The following GPC6 variants were observed in gnomAD, a reference collection of about 807,000 sequenced individuals.
GPC6 encodes glypican 6, also known as glypican-6.
In GPC6, 14 loss-of-function variants were observed where a neutral mutation model predicts 55.2. The observed-to-expected ratio is 0.25, with a 90% CI of 0.17 to 0.40. The LOEUF is 0.40. Ranked by LOEUF, GPC6 falls within the 10% of genes least tolerant of loss-of-function variation. GPC6 has a pLI of 1.00. For synonymous variants in GPC6, 278 were observed against 259.6 expected (o/e 1.07, Z -0.68); for missense variants, 641 against 708.5 (o/e 0.90, Z 1.08).
chr13:93,222,343 T>C (rs962616039), upstream of GPC6, among the ~76,000 whole-genome samples: 1 of 152,232 alleles, frequency 6.6e-6, no homozygotes. Flanking sequence ...TCTCTTTTTA[T>C]GTCCACTCAT....
intron 4 of GPC6, among the ~76,000 whole-genome samples, chr13:94,096,185 ACTT>A (rs1885649483): frequency 6.6e-6 from 1 of 152,216 alleles, no homozygotes; most frequent in Admixed American, 6.5e-5. Flanking sequence ...ACAGAATTCT[ACTT>A]TAAAATACAG....
intron 1 of GPC6, among the ~76,000 whole-genome samples, chr13:93,428,067 G>A (rs1354943050): frequency 6.6e-6 from 1 of 151,936 alleles, no homozygotes; most frequent in Non-Finnish European, 1.5e-5. Flanking sequence ...CTATATTCTA[G>A]GTTTGAACCT....
intron 3 of GPC6, among the ~76,000 whole-genome samples, chr13:93,912,211 A>G (rs948832904): frequency 6.6e-5 from 10 of 152,182 alleles, no homozygotes; most frequent in African/African-American, 2.4e-4. Context: ...TTTTCCTCCA[A>G]TTAGTTCAAA....
intron 1 of GPC6, among the ~76,000 whole-genome samples, chr13:93,399,971 T>C (rs1214904628): frequency 6.6e-6 from 1 of 152,328 alleles, no homozygotes; most frequent in East Asian, 1.9e-4. Context: ...CAAGATACAA[T>C]GGGAGTCTTA....
intron 2 of GPC6, among the ~76,000 whole-genome samples, chr13:93,735,116 T>C (rs993311464): frequency 2.6e-5 from 4 of 152,306 alleles, no homozygotes; most frequent in Middle Eastern, 3.4e-3. Flanking sequence ...ATAAAGATAA[T>C]TACTGTTGTA....
Position 93,894,912 on chromosome 13 carries a change from A to G in GPC6, c.711+64367A>G, listed in dbSNP as rs191407623. Among the ~76,000 whole-genome samples the G allele has an allele frequency of 1.2e-4, 18 of 152,042 alleles. No homozygotes were observed. The East Asian group carries it at 2.3e-3, about 20-fold the overall frequency. ...ACTCCCACTTTTGATTTATGATAAT[A>G]TTATTCTGAAATACGTATTTCTCAA... is the stretch of plus-strand genomic sequence containing the variant. On this transcript the variant is annotated intron_variant, in intron 3 of 8. Transcript: ENST00000377047.
intron 1 of GPC6, among the ~76,000 whole-genome samples, chr13:93,430,811 T>C (rs1252268918): frequency 6.6e-6 from 1 of 152,188 alleles, no homozygotes; most frequent in Non-Finnish European, 1.5e-5. Context: ...CATCAAGCTA[T>C]TCTACATTTG....
chr13:93,866,335 A>G (rs959881424), intron 3 of GPC6, among the ~76,000 whole-genome samples: 5 of 151,736 alleles, frequency 3.3e-5, no homozygotes, highest in Non-Finnish European at 3.0e-5. Flanking sequence ...AATCTCAGAG[A>G]TATACAGAGC....
intron 1 of GPC6, among the ~76,000 whole-genome samples, chr13:93,316,368 G>C (rs1019684664): frequency 6.6e-6 from 1 of 152,028 alleles, no homozygotes; most frequent in East Asian, 1.9e-4. Flanking sequence ...TGTCTTTCAT[G>C]CTTTTCATAC....
chr13:94,321,302 T>C (rs113256923), intron 6 of GPC6, among the ~76,000 whole-genome samples: 12,934 of 152,272 alleles, frequency 0.085, 1,869 homozygotes, highest in African/African-American at 0.29. Flanking sequence ...ACATTTTCTT[T>C]ATCCGTTCTA....
chr13:93,574,747 C>T (rs966295962), intron 2 of GPC6, among the ~76,000 whole-genome samples: 4 of 152,176 alleles, frequency 2.6e-5, no homozygotes, highest in Non-Finnish European at 5.9e-5. Flanking sequence ...CCACTGCTAT[C>T]CCCACACATC....
At chr13:94,130,968 A>G (rs1301022425) in intron 4 of GPC6, among the ~76,000 whole-genome samples, 1 of 152,156 alleles carries the variant, frequency 6.6e-6, no homozygotes, top group African/African-American at 2.4e-5. Flanking sequence ...ATAACTAGAC[A>G]AGAAACTCCT....
chr13:93,450,244 A>G (rs1415144731), intron 1 of GPC6, among the ~76,000 whole-genome samples: 2 of 152,246 alleles, frequency 1.3e-5, no homozygotes, highest in African/African-American at 4.8e-5. Context: ...CAGAGAAAGT[A>G]ACATAAAAAG....
chr13:93,796,259 G>C lies in GPC6; in HGVS notation c.320-33895G>C, dbSNP rs537028170. ...ATTGTAATCTCATATTAGCAGTCTAGTAATTGGATTTTTTCATTTAACAGA... is the reference window on the plus strand; with the variant it reads ...ATTGTAATCTCATATTAGCAGTCTACTAATTGGATTTTTTCATTTAACAGA... On this transcript the variant is annotated intron_variant, in intron 2 of 8. Transcript: ENST00000377047. 8.5e-5 allele frequency among the ~76,000 whole-genome samples: 13 copies of C among 152,172 alleles called. No homozygotes were observed. In the South Asian group the frequency reaches 2.5e-3, roughly 29 times the overall value.
chr13:93,933,056 T>C (rs1335889292), intron 3 of GPC6, among the ~76,000 whole-genome samples: 3 of 142,670 alleles, frequency 2.1e-5, no homozygotes, highest in African/African-American at 7.6e-5. Flanking sequence ...CCACTTACAA[T>C]CCTTGACTCA....
chr13:93,973,511 G>T (rs189541763), intron 3 of GPC6, among the ~76,000 whole-genome samples: 30 of 151,980 alleles, frequency 2.0e-4, no homozygotes, highest in Admixed American at 1.2e-3. Flanking sequence ...CCAAAAAAAG[G>T]CATGATCTCT....
chr13:93,243,270 A>C (rs1876495614), intron 1 of GPC6, among the ~76,000 whole-genome samples: 1 of 152,172 alleles, frequency 6.6e-6, no homozygotes, highest in Admixed American at 6.5e-5. Context: ...TATGCTGTAG[A>C]TTCTTCCAAT....
At chr13:93,272,739 G>T (rs970512578) in intron 1 of GPC6, among the ~76,000 whole-genome samples, 1 of 151,970 alleles carries the variant, frequency 6.6e-6, no homozygotes, top group Non-Finnish European at 1.5e-5. Flanking sequence ...TTTATCACTG[G>T]CAATAGCTGA....
rs976618747 is a variant in GPC6 at position 94,406,465 on chromosome 13, C to CA, written c.*3250dup. ...TAGCACTAGAAATCTGTCTCCCTTACAATGACTTACCTAGCTAGCATCAAG... is the reference window on the plus strand; with the variant it reads ...TAGCACTAGAAATCTGTCTCCCTTACAAATGACTTACCTAGCTAGCATCAAG... On this transcript the variant is annotated 3_prime_UTR_variant, in exon 9 of 9. Coordinates refer to ENST00000377047, the MANE Select transcript of GPC6 (RefSeq NM_005708.5). 1 of 152,126 alleles carries CA rather than the reference C, an allele frequency of 6.6e-6. No homozygotes were observed. Among genetic ancestry groups the CA allele is most frequent in the African/African-American group, 2.4e-5 (1 of 41,450 alleles). 9.4% of individuals were successfully genotyped at this position (152,126 alleles called of 1,614,324 possible).
Sources: allele counts gnomAD v4.1 joint callset (sites outside exome capture counted in the v4.1 genomes callset), GRCh38; gene constraint gnomAD v4.1.1; transcripts MANE v1.5; gene names NCBI Gene and HGNC (gene_info 2026-07-23, HGNC 2026-07-21).